Variants in LRMDA observed in about 807,000 individuals in gnomAD.
LRMDA encodes the protein leucine-rich melanocyte differentiation-associated protein.
A neutral mutation model predicts 29.8 loss-of-function variants in LRMDA; 18 were observed. The ratio of observed to expected loss-of-function variants is 0.60; its 90% CI spans 0.42 to 0.90. The LOEUF is 0.90. Among genes scored for constraint, LRMDA ranks in the 40% least tolerant of loss-of-function variants. The pLI is 0.00. For missense variants in LRMDA, 273 were observed against 273.9 expected (o/e 1.00, Z 0.02); for synonymous variants, 125 against 109.4 (o/e 1.14, Z -0.89).
intron 2 of LRMDA, among the ~76,000 whole-genome samples, chr10:75,724,642 G>A (rs146211218): frequency 1.3e-5 from 2 of 152,228 alleles, no homozygotes; most frequent in East Asian, 1.9e-4. Flanking sequence ...GACTTCAGTT[G>A]CCCCATCTCT....
At chr10:75,988,226 G>A (rs952075354) in intron 2 of LRMDA, among the ~76,000 whole-genome samples, 4 of 152,130 alleles carry the variant, frequency 2.6e-5, no homozygotes, top group African/African-American at 9.7e-5. Context: ...AGGCTTGAAA[G>A]GCATGGGACA....
chr10:75,820,301 A>C (rs1454893634), intron 2 of LRMDA, among the ~76,000 whole-genome samples: 1 of 152,276 alleles, frequency 6.6e-6, no homozygotes, highest in Non-Finnish European at 1.5e-5. Context: ...AATAATGTCA[A>C]GTACCGTCTC....
intron 5 of LRMDA, among the ~76,000 whole-genome samples, chr10:76,144,240 T>C (rs1850265580): frequency 6.6e-6 from 1 of 152,220 alleles, no homozygotes; most frequent in African/African-American, 2.4e-5. Flanking sequence ...AAGCCATTGG[T>C]AGCTTGATGG....
chr10:75,464,341 A>G (rs1352425457), intron 2 of LRMDA, among the ~76,000 whole-genome samples: 2 of 152,176 alleles, frequency 1.3e-5, no homozygotes, highest in African/African-American at 4.8e-5. Context: ...AGCAGAAATT[A>G]TGTGTTTTTG....
At chr10:76,243,586 T>C (rs2132287806) in intron 5 of LRMDA, among the ~76,000 whole-genome samples, 1 of 152,316 alleles carries the variant, frequency 6.6e-6, no homozygotes, top group South Asian at 2.1e-4. Context: ...TAAGGGGAAC[T>C]TAAGCTTCCA....
intron 2 of LRMDA, among the ~76,000 whole-genome samples, chr10:75,777,074 T>C (rs1843321846): frequency 1.3e-5 from 2 of 152,200 alleles, no homozygotes; most frequent in Non-Finnish European, 2.9e-5. Context: ...GAGCCGGGTT[T>C]ACTCTGTTTG....
intron 6 of LRMDA, among the ~76,000 whole-genome samples, chr10:76,537,450 C>G (rs1448873091): frequency 6.6e-6 from 1 of 152,190 alleles, no homozygotes; most frequent in Non-Finnish European, 1.5e-5. Context: ...TGACCTTGGT[C>G]TTCATTGAGC....
intron 2 of LRMDA, among the ~76,000 whole-genome samples, chr10:75,993,367 ATTG>A (rs1847404944): frequency 1.3e-5 from 2 of 152,176 alleles, no homozygotes; most frequent in African/African-American, 4.8e-5. Flanking sequence ...CCTGGCAGGC[ATTG>A]TTCTAAGTAA....
chr10:76,149,194 C>G (rs1017435754), intron 5 of LRMDA, among the ~76,000 whole-genome samples: 3 of 152,134 alleles, frequency 2.0e-5, no homozygotes, highest in Non-Finnish European at 4.4e-5. Flanking sequence ...TTTGCACTAA[C>G]AAAGCAGTAG....
Position 75,716,423 on chromosome 10 carries a change from T to C in LRMDA, c.131+277929T>C, listed in dbSNP as rs188250171. On this transcript the variant is annotated intron_variant, in intron 2 of 6. Transcript: ENST00000611255. ...CACCCTTAGTTGGGTATTCTGTTAC[T>C]TGCAATCTAAAGCATCCTAAAGGGT... is the stretch of plus-strand genomic sequence containing the variant. Among the ~76,000 whole-genome samples the C allele has an allele frequency of 3.6e-3, 550 of 152,354 alleles. 4 individuals are homozygous for C. Among genetic ancestry groups the C allele is most frequent in the African/African-American group, 0.012 (508 of 41,588 alleles).
At position 76,047,329 on chromosome 10, in the gene LRMDA, G is replaced by A. The variant is rs760682169; in HGVS notation, c.398+26G>A. 5.7e-6 allele frequency: 9 copies of A among 1,581,272 alleles called. No homozygotes were observed. In the South Asian group the frequency reaches 9.2e-5, roughly 16 times the overall value. On this transcript the variant is annotated intron_variant, in intron 4 of 6. Coordinates refer to ENST00000611255, the MANE Select transcript of LRMDA (RefSeq NM_001305581.2). ...GTGAGTGTCCAGGGGTTGGACCATG[G>A]TGGGAAAAGGGAAAAAGAGAAACTT... is the stretch of plus-strand genomic sequence containing the variant.
At chr10:75,882,810 G>C (rs1845317008) in intron 2 of LRMDA, 1 of 152,302 alleles carries the variant, frequency 6.6e-6, no homozygotes, top group Non-Finnish European at 1.5e-5. Context: ...CCCCCTTCCA[G>C]GGCCCTCCTG....
At chr10:76,211,015 G>C (rs1851624636) in intron 5 of LRMDA, among the ~76,000 whole-genome samples, 1 of 152,220 alleles carries the variant, frequency 6.6e-6, no homozygotes, top group South Asian at 2.1e-4. Context: ...AGTCTCCTGT[G>C]CTCTGGTTGG....
intron 2 of LRMDA, among the ~76,000 whole-genome samples, chr10:75,924,152 G>C (rs138425639): frequency 3.9e-5 from 6 of 152,298 alleles, no homozygotes; most frequent in Non-Finnish European, 8.8e-5. Context: ...GATTCAGCTT[G>C]ACTTCAGACT....
intron 5 of LRMDA, among the ~76,000 whole-genome samples, chr10:76,186,329 G>T (rs1301807421): frequency 6.6e-6 from 1 of 152,234 alleles, no homozygotes; most frequent in Non-Finnish European, 1.5e-5. Context: ...AAAAGGCAGA[G>T]GGGTAACATT....
At chr10:76,025,597 G>A (rs554391870) in intron 2 of LRMDA, among the ~76,000 whole-genome samples, 53 of 152,184 alleles carry the variant, frequency 3.5e-4, no homozygotes, top group African/African-American at 1.3e-3. Flanking sequence ...TTCCTGTCAT[G>A]TTGGAAATGG....
intron 3 of LRMDA, among the ~76,000 whole-genome samples, chr10:76,042,880 A>T (rs2132036469): frequency 6.6e-6 from 1 of 152,240 alleles, no homozygotes; most frequent in East Asian, 1.9e-4. Flanking sequence ...AACTTTTAGG[A>T]TTATTACATT....
Position 76,436,554 on chromosome 10 carries a change from A to G in LRMDA, c.601+112069A>G, listed in dbSNP as rs369072687. On this transcript the variant is annotated intron_variant, in intron 6 of 6. Transcript: ENST00000611255. ...GCACTCCCTGTGCCTTTGCTTCTCA[A>G]GCTGCTGAGTGACAGTGACAAGATG... is the stretch of plus-strand genomic sequence containing the variant. Among the ~76,000 whole-genome samples the G allele has an allele frequency of 5.8e-4, 89 of 152,236 alleles. 1 individual carries two copies. The highest frequency in any genetic ancestry group is 4.6e-3 in the South Asian group (22 of 4,818).
At chr10:76,555,733 T>A (rs1457590796) in intron 6 of LRMDA, among the ~76,000 whole-genome samples, 1 of 148,648 alleles carries the variant, frequency 6.7e-6, no homozygotes, top group Non-Finnish European at 1.5e-5. Context: ...AAGAACCTGG[T>A]TAATTTCAAG....
Sources: gnomAD v4.1 joint callset for allele counts (sites outside exome capture counted in the v4.1 genomes callset) on GRCh38, gnomAD v4.1.1 for gene constraint, MANE v1.5 for transcripts, NCBI Gene and HGNC (gene_info 2026-07-23, HGNC 2026-07-21) for gene names.